GRM7: variants seen among roughly 807,000 people sequenced by gnomAD.
GRM7 encodes the protein metabotropic glutamate receptor 7.
In GRM7, 35 loss-of-function variants were observed where a neutral mutation model predicts 84.5. That is an observed-to-expected ratio of 0.41 (90% CI 0.32 to 0.55). GRM7 has a LOEUF of 0.55. Among genes scored for constraint, GRM7 ranks in the 20% least tolerant of loss-of-function variants. GRM7 has a pLI of 0.19. For missense variants in GRM7, 1,003 were observed against 1,194.6 expected (o/e 0.84, Z 2.36); for synonymous variants, 487 against 455.1 (o/e 1.07, Z -0.89).
At chr3:6,886,607 C>T (rs2124973208) in intron 1 of GRM7, among the ~76,000 whole-genome samples, 1 of 152,064 alleles carries the variant, frequency 6.6e-6, no homozygotes, top group South Asian at 2.1e-4. Context: ...GCTTCATATT[C>T]CTCATGATTT....
At chr3:7,191,914 T>A (rs1695722889) in intron 2 of GRM7, among the ~76,000 whole-genome samples, 1 of 152,116 alleles carries the variant, frequency 6.6e-6, no homozygotes, top group Admixed American at 6.6e-5. Flanking sequence ...TCTGGTGAAC[T>A]CCTATACCCC....
At chr3:6,881,299 A>AC (rs1242709950) in intron 1 of GRM7, among the ~76,000 whole-genome samples, 1 of 150,372 alleles carries the variant, frequency 6.7e-6, no homozygotes, top group African/African-American at 2.5e-5. Flanking sequence ...CCCTCACTCC[A>AC]CCCCCCAACA....
intron 1 of GRM7, among the ~76,000 whole-genome samples, chr3:7,073,737 A>G (rs958404568): frequency 2.6e-5 from 4 of 152,128 alleles, no homozygotes; most frequent in Non-Finnish European, 1.5e-5. Flanking sequence ...TATGTTTATA[A>G]TATGGTACTT....
At chr3:7,388,417 T>C (rs935713207) in intron 4 of GRM7, among the ~76,000 whole-genome samples, 1 of 152,154 alleles carries the variant, frequency 6.6e-6, no homozygotes, top group Non-Finnish European at 1.5e-5. Context: ...TTTGTTGTTT[T>C]CTTGCCAAAT....
intron 8 of GRM7, among the ~76,000 whole-genome samples, chr3:7,599,057 T>C (rs577848553): frequency 7.9e-5 from 12 of 152,280 alleles, no homozygotes; most frequent in African/African-American, 2.6e-4. Context: ...ATGATGTAGT[T>C]AAGCCCTTTT....
chr3:7,370,285 C>T (rs1285243689), intron 4 of GRM7, among the ~76,000 whole-genome samples: 2 of 152,086 alleles, frequency 1.3e-5, no homozygotes, highest in African/African-American at 4.8e-5. Context: ...TGATGTGATT[C>T]CTCCTTAGAC....
chr3:7,339,619 G>T (rs1307444392), intron 4 of GRM7, among the ~76,000 whole-genome samples: 1 of 152,118 alleles, frequency 6.6e-6, no homozygotes. Flanking sequence ...TTGCTAGGAA[G>T]ATCAGCATTC....
intron 7 of GRM7, among the ~76,000 whole-genome samples, chr3:7,538,685 T>C (rs546882597): frequency 2.0e-4 from 30 of 151,562 alleles, no homozygotes; most frequent in Non-Finnish European, 3.7e-4. Context: ...TATAGCAATA[T>C]GCTGTACCAC....
chr3:7,415,777 C>A (rs2125181570), intron 5 of GRM7, among the ~76,000 whole-genome samples: 1 of 152,218 alleles, frequency 6.6e-6, no homozygotes, highest in South Asian at 2.1e-4. Flanking sequence ...CACTGGGGAT[C>A]TGGTGGTGAG....
At chr3:7,723,941 T>C (rs912086125) in intron 9 of GRM7, among the ~76,000 whole-genome samples, 1 of 152,196 alleles carries the variant, frequency 6.6e-6, no homozygotes, top group Non-Finnish European at 1.5e-5. Flanking sequence ...AATATACTTG[T>C]TGGAGAGCCA....
chr3:7,095,191 C>G (rs1698813589), intron 1 of GRM7, among the ~76,000 whole-genome samples: 1 of 152,120 alleles, frequency 6.6e-6, no homozygotes, highest in African/African-American at 2.4e-5. Flanking sequence ...AGGAAATTAA[C>G]TAATCTTCCC....
In GRM7 at chr3:7,654,021, G is replaced by A. The variant is rs141599882; in HGVS notation, c.2452-26028G>A. Among the ~76,000 whole-genome samples the A allele has an allele frequency of 1.9e-3, 293 of 151,900 alleles. 2 individuals carry two copies. The highest frequency in any genetic ancestry group is 5.6e-3 in the South Asian group (27 of 4,802). On this transcript the variant is annotated intron_variant, in intron 8 of 9. Transcript: ENST00000357716. ...GCACTTTTGCCTTCTCTCATTTTTT[G>A]CCAGAAAACTTATAATCATGCCCTA...
chr3:6,913,138 T>C (rs939839038), intron 1 of GRM7, among the ~76,000 whole-genome samples: 1 of 152,184 alleles, frequency 6.6e-6, no homozygotes, highest in Admixed American at 6.5e-5. Flanking sequence ...GTAACTCCTA[T>C]TGTGTCCATT....
At chr3:7,100,325 G>A (rs1699066974) in intron 1 of GRM7, among the ~76,000 whole-genome samples, 1 of 151,676 alleles carries the variant, frequency 6.6e-6, no homozygotes, top group East Asian at 1.9e-4. Flanking sequence ...TTCAGTTTAG[G>A]CACTTCCTGA....
intron 4 of GRM7, among the ~76,000 whole-genome samples, chr3:7,314,309 C>T (rs956371579): frequency 6.7e-6 from 1 of 149,936 alleles, no homozygotes; most frequent in African/African-American, 2.5e-5. Flanking sequence ...ATATTCCATC[C>T]CCCGTCTTTC....
At chr3:7,612,529 TCTAA>T (rs1232311532) in intron 8 of GRM7, among the ~76,000 whole-genome samples, 2 of 151,968 alleles carry the variant, frequency 1.3e-5, no homozygotes, top group African/African-American at 4.8e-5. Context: ...AATACTAAGC[TCTAA>T]CTTACAGAGG....
intron 2 of GRM7, among the ~76,000 whole-genome samples, chr3:7,152,259 A>C (rs932608638): frequency 1.3e-5 from 2 of 152,168 alleles, no homozygotes; most frequent in African/African-American, 4.8e-5. Context: ...GTGACCTCTG[A>C]GACCCACTTA....
chr3:7,309,357 T>A (rs530442620), intron 4 of GRM7, among the ~76,000 whole-genome samples: 2 of 152,336 alleles, frequency 1.3e-5, no homozygotes, highest in South Asian at 4.1e-4. Flanking sequence ...AAGTAAGTTT[T>A]CCTGTCCTTC....
chr3:7,734,304 A>G (rs1296481765), intron 9 of GRM7, among the ~76,000 whole-genome samples: 10 of 151,606 alleles, frequency 6.6e-5, no homozygotes, highest in African/African-American at 2.4e-4. Flanking sequence ...CTTTATCTTC[A>G]TCTCACTGAG....
Sources: allele counts gnomAD v4.1 joint callset (sites outside exome capture counted in the v4.1 genomes callset), GRCh38; gene constraint gnomAD v4.1.1; transcripts MANE v1.5; gene names NCBI Gene and HGNC (gene_info 2026-07-23, HGNC 2026-07-21).